The following ATP10B variants were observed in gnomAD, a reference collection of about 807,000 sequenced individuals.
ATP10B encodes the protein phospholipid-transporting ATPase VB.
A neutral mutation model predicts 141.2 loss-of-function variants in ATP10B; 122 were observed. The ratio of observed to expected loss-of-function variants is 0.86; its 90% confidence interval spans 0.75 to 1.00. ATP10B has a LOEUF of 1.00. Ranked by LOEUF, ATP10B falls within the 50% of genes least tolerant of loss-of-function variation. The pLI is 0.00. For missense variants in ATP10B, 1,876 were observed against 1,825.3 expected (o/e 1.03, Z -0.51); for synonymous variants, 685 against 692.0 (o/e 0.99, Z 0.16).
chr5:160,592,615 G>T (rs1756392315), intron 22 of ATP10B, among the ~76,000 whole-genome samples: 1 of 152,252 alleles, frequency 6.6e-6, no homozygotes, highest in Non-Finnish European at 1.5e-5. Flanking sequence ...GCGAGGCATT[G>T]CCTCATTCGG....
At chr5:160,750,090 G>A (rs1768056253) in intron 2 of ATP10B, among the ~76,000 whole-genome samples, 1 of 152,168 alleles carries the variant, frequency 6.6e-6, no homozygotes, top group African/African-American at 2.4e-5. Flanking sequence ...GATTAAAGAT[G>A]GAGAATAAAA....
intron 1 of ATP10B, among the ~76,000 whole-genome samples, chr5:160,794,697 C>G: frequency 6.6e-6 from 1 of 152,208 alleles, no homozygotes. Flanking sequence ...CTCCTTGCCT[C>G]TTAAGGCATT....
At position 160,615,723 on chromosome 5, in the gene ATP10B, C is replaced by A. The variant is rs1581204691; in HGVS notation, c.2653+115G>T. 7 of 1,356,098 alleles carry A rather than the reference C, an allele frequency of 5.2e-6. No homozygotes were observed. In the East Asian group the frequency reaches 1.6e-4, roughly 32 times the overall value. 84.0% of individuals were successfully genotyped at this position (1,356,098 alleles called of 1,614,324 possible). Reference sequence around the variant, plus strand: ...TTGTGCCAAATACCTGGAAGGGAACCCCAGGGAAGGCTGCTAATGGAGACA... The same window carrying A: ...TTGTGCCAAATACCTGGAAGGGAACACCAGGGAAGGCTGCTAATGGAGACA... On this transcript the variant is annotated intron_variant, in intron 17 of 25. Coordinates refer to ENST00000327245, the MANE Select transcript of ATP10B (RefSeq NM_025153.3).
At chr5:160,915,617 C>T in the ATP10B span, among the ~76,000 whole-genome samples, 10 of 152,186 alleles carry the variant, frequency 6.6e-5, no homozygotes, top group African/African-American at 2.4e-4. Flanking sequence ...CAGGTGTGAG[C>T]CACAGCGCCC....
intron 3 of ATP10B, among the ~76,000 whole-genome samples, chr5:160,704,914 C>CTTTTT (rs1170629163): frequency 0.034 from 2,862 of 83,558 alleles, 149 homozygotes; most frequent in South Asian, 0.051. Context: ...TTTCTTTCAT[C>CTTTTT]TTTTTTTTTT....
At chr5:160,697,654 A>G (rs1764450613) in intron 3 of ATP10B, among the ~76,000 whole-genome samples, 1 of 152,140 alleles carries the variant, frequency 6.6e-6, no homozygotes, top group Non-Finnish European at 1.5e-5. Context: ...GACTAGTGGA[A>G]AAGAGAGAGT....
intron 1 of ATP10B, among the ~76,000 whole-genome samples, chr5:160,804,911 T>A (rs1772669409): frequency 6.6e-6 from 1 of 152,192 alleles, no homozygotes; most frequent in African/African-American, 2.4e-5. Flanking sequence ...CAAAATCCAT[T>A]CATACCAAAG....
At chr5:160,763,793 A>C (rs1769211141) in intron 2 of ATP10B, among the ~76,000 whole-genome samples, 1 of 152,150 alleles carries the variant, frequency 6.6e-6, no homozygotes, top group Non-Finnish European at 1.5e-5. Flanking sequence ...AGATAAACGA[A>C]ATCAATAGAC....
chr5:160,876,952 A>T, the ATP10B span, among the ~76,000 whole-genome samples: 1 of 142,638 alleles, frequency 7.0e-6, no homozygotes, highest in Non-Finnish European at 1.6e-5. Context: ...ATTCTACCAG[A>T]GGTACAAGGA....
intron 12 of ATP10B, 25 bp from the exon 13 acceptor site, chr5:160,632,392 G>T (rs1361543327): frequency 6.2e-7 from 1 of 1,604,738 alleles, no homozygotes; most frequent in African/African-American, 1.3e-5. Context: ...TCCTGTTATT[G>T]CACTAGTTGT....
the ATP10B span, among the ~76,000 whole-genome samples, chr5:160,904,803 T>C: frequency 6.6e-6 from 1 of 152,202 alleles, no homozygotes; most frequent in Admixed American, 6.5e-5. Flanking sequence ...ATGGAGACCT[T>C]ATGCTTCCCA....
intron 1 of ATP10B, among the ~76,000 whole-genome samples, chr5:160,821,253 T>C (rs964470296): frequency 6.6e-6 from 1 of 152,034 alleles, no homozygotes; most frequent in African/African-American, 2.4e-5. Flanking sequence ...TAACAAGTAA[T>C]TCCATTTATA....
rs753011042 is a variant in ATP10B, at chr5:160,612,942, C to CAACAGAGTTCACATTTATCGT, written c.2654-38_2654-18dup. 1 of 1,602,154 alleles carries CAACAGAGTTCACATTTATCGT rather than the reference C, an allele frequency of 6.2e-7. No homozygotes were observed. Among genetic ancestry groups the CAACAGAGTTCACATTTATCGT allele is most frequent in the South Asian group, 1.1e-5 (1 of 89,518 alleles). On this transcript the variant is annotated splice_polypyrimidine_tract_variant and intron_variant, in intron 17 of 25. Transcript: ENST00000327245. ...CAGTGGCTCCTGGAGTGATGAAAAA[C>CAACAGAGTTCACATTTATCGT]AACAGAGTTCACATTTATCGTAAAA...
rs866698182 is a variant in ATP10B at position 160,704,228 on chromosome 5, A to T, written c.-205+12681T>A. Among the ~76,000 whole-genome samples the T allele has an allele frequency of 9.9e-3, 1,490 of 150,322 alleles. 25 individuals are homozygous for T. The highest frequency in any genetic ancestry group is 0.035 in the African/African-American group (1,425 of 40,510). On this transcript the variant is annotated intron_variant, in intron 3 of 25. Coordinates refer to ENST00000327245, the MANE Select transcript of ATP10B (RefSeq NM_025153.3). ...TACCATGCGTGGCTATTTTTTTTTTATTATTATTGTTCGTAGAGACAGTTG... is the reference window on the plus strand; with the variant it reads ...TACCATGCGTGGCTATTTTTTTTTTTTTATTATTGTTCGTAGAGACAGTTG...
the ATP10B span, among the ~76,000 whole-genome samples, chr5:160,881,555 G>C: frequency 1.3e-4 from 20 of 152,282 alleles, no homozygotes; most frequent in African/African-American, 4.3e-4. Flanking sequence ...GCTCACACCT[G>C]TAATCCCAGC....
intron 24 of ATP10B, among the ~76,000 whole-genome samples, chr5:160,576,420 A>G (rs11956938): frequency 0.098 from 14,911 of 152,254 alleles, 1,781 homozygotes; most frequent in African/African-American, 0.29. Context: ...GGAAGCAGTT[A>G]TCTTTGAGTC....
intron 2 of ATP10B, among the ~76,000 whole-genome samples, chr5:160,729,523 G>A (rs1331094549): frequency 6.6e-6 from 1 of 152,140 alleles, no homozygotes; most frequent in Non-Finnish European, 1.5e-5. Flanking sequence ...CAGCTAAATA[G>A]ACTAAACAAA....
intron 25 of ATP10B, among the ~76,000 whole-genome samples, chr5:160,566,178 C>T (rs1754527003): frequency 6.6e-6 from 1 of 152,124 alleles, no homozygotes; most frequent in South Asian, 2.1e-4. Flanking sequence ...GTGGTTATTA[C>T]TTTTGTTTGC....
intron 3 of ATP10B, among the ~76,000 whole-genome samples, 153 bp downstream of exon 3, chr5:160,716,756 C>T (rs1022833153): frequency 2.6e-5 from 4 of 152,160 alleles, no homozygotes; most frequent in Admixed American, 1.3e-4. Context: ...CAAGGTCCTG[C>T]GGGACCCCGT....
Sources: gnomAD v4.1 joint callset for allele counts (sites outside exome capture counted in the v4.1 genomes callset) on GRCh38, gnomAD v4.1.1 for gene constraint, MANE v1.5 for transcripts, NCBI Gene and HGNC (gene_info 2026-07-23, HGNC 2026-07-21) for gene names.